XIRP2: variants seen among roughly 807,000 people sequenced by gnomAD.
XIRP2 encodes xin actin-binding repeat-containing protein 2.
XIRP2 carries 236 observed loss-of-function variants against 277.0 expected under a neutral mutation model. The observed-to-expected ratio is 0.85, with a 90% CI of 0.77 to 0.95. The LOEUF is 0.95. Ranked by LOEUF, XIRP2 falls within the 40% of genes least tolerant of loss-of-function variation. XIRP2 has a pLI of 0.00. For synonymous variants in XIRP2, 1,490 were observed against 1,416.5 expected (o/e 1.05, Z -1.17); for missense variants, 4,640 against 4,157.5 (o/e 1.12, Z -3.19).
In XIRP2 at chr2:167,250,652, A is replaced by G. The variant is rs2105448009; in HGVS notation, c.9260A>G (p.His3087Arg). ...ACAGTACAGCACCAAGTAGCAGCTC[A>G]TCATGAAGCAACTGTTCGTAGTCAC... ...EKTVQHQVAA[H>R]HEATVRSHVK... is the part of the protein sequence containing the mutation. The change falls in exon 9 of 11, where the codon CAT becomes CGT. Residue 3087 changes from histidine to arginine, a missense_variant. Transcript: ENST00000409195. 1.9e-6 allele frequency: 3 copies of G among 1,611,330 alleles called. No homozygotes were observed. Among genetic ancestry groups the G allele is most frequent in the East Asian group, 4.5e-5 (2 of 44,804 alleles).
intron 2 of XIRP2, among the ~76,000 whole-genome samples, chr2:167,119,683 C>A (rs893541920): frequency 6.6e-6 from 1 of 152,156 alleles, no homozygotes; most frequent in African/African-American, 2.4e-5. Context: ...GCATGATGCC[C>A]ACAATTGCTC....
intron 3 of XIRP2, among the ~76,000 whole-genome samples, chr2:167,178,764 C>T (rs1692926477): frequency 1.3e-5 from 2 of 151,950 alleles, no homozygotes. Context: ...TTTCCTCACA[C>T]TACTGATTTC....
chr2:167,042,090 A>C (rs1688671850), intron 2 of XIRP2, among the ~76,000 whole-genome samples: 1 of 152,164 alleles, frequency 6.6e-6, no homozygotes, highest in Non-Finnish European at 1.5e-5. Context: ...CAGCCAAACT[A>C]AGTTTCATAA....
chr2:167,066,596 A>G (rs535980559), intron 2 of XIRP2, among the ~76,000 whole-genome samples: 1 of 152,202 alleles, frequency 6.6e-6, no homozygotes, highest in South Asian at 2.1e-4. Context: ...GAGTTACCAT[A>G]TTAACTAGCA....
intron 2 of XIRP2, among the ~76,000 whole-genome samples, chr2:167,036,894 G>A (rs935376389): frequency 2.6e-5 from 4 of 152,080 alleles, no homozygotes; most frequent in African/African-American, 9.7e-5. Context: ...GACCTGATGG[G>A]TTTATCAGGG....
At chr2:167,226,922 A>G (rs1694619402) in intron 5 of XIRP2, among the ~76,000 whole-genome samples, 1 of 152,186 alleles carries the variant, frequency 6.6e-6, no homozygotes, top group Non-Finnish European at 1.5e-5. Flanking sequence ...AACTCTGAGC[A>G]TTTAAGCCCT....
At chr2:167,072,398 G>A (rs1211524973) in intron 2 of XIRP2, among the ~76,000 whole-genome samples, 1 of 152,008 alleles carries the variant, frequency 6.6e-6, no homozygotes, top group Non-Finnish European at 1.5e-5. Context: ...TCCACCTTCT[G>A]CCTGACTGAC....
At chr2:167,151,008 A>G (rs1691999323) in intron 3 of XIRP2, among the ~76,000 whole-genome samples, 1 of 152,100 alleles carries the variant, frequency 6.6e-6, no homozygotes, top group Non-Finnish European at 1.5e-5. Flanking sequence ...TACTTACGGA[A>G]AGGTTCACAT....
chr2:167,011,281 A>T (rs1274813116), intron 2 of XIRP2, among the ~76,000 whole-genome samples: 2 of 151,518 alleles, frequency 1.3e-5, no homozygotes, highest in Non-Finnish European at 2.9e-5. Context: ...TTTAGCATGA[A>T]GGGTTGTTGA....
rs1695173449 is a variant in XIRP2, at chr2:167,244,260, T to C, written c.2868T>C (p.Asn956=). The C allele has an allele frequency of 2.5e-6, 4 of 1,613,568 alleles. No homozygotes were observed. Among genetic ancestry groups the C allele is most frequent in the Non-Finnish European group, 2.5e-6 (3 of 1,179,836 alleles). ...KNYTHIFESN[N]LIKFDASHKI... is the part of the protein sequence containing the mutation. ...ACACACATATCTTTGAATCAAACAATTTAATTAAATTTGATGCATCACATA... is the reference window on the plus strand; with the variant it reads ...ACACACATATCTTTGAATCAAACAACTTAATTAAATTTGATGCATCACATA... The change falls in exon 9 of 11, where the codon AAT becomes AAC. Residue 956 remains asparagine (N), a synonymous_variant. Transcript: ENST00000409195.
intron 2 of XIRP2, among the ~76,000 whole-genome samples, chr2:167,020,193 G>C (rs928066608): frequency 1.3e-5 from 2 of 151,970 alleles, no homozygotes; most frequent in Non-Finnish European, 2.9e-5. Flanking sequence ...GAACATGTAA[G>C]TGATCCTAAA....
intron 2 of XIRP2, among the ~76,000 whole-genome samples, chr2:166,915,624 A>G (rs779494399): frequency 6.6e-6 from 1 of 152,150 alleles, no homozygotes; most frequent in East Asian, 1.9e-4. Flanking sequence ...AGCCTCCTGT[A>G]TGTTCTCACC....
chr2:167,000,624 G>T (rs1687340858), intron 2 of XIRP2, among the ~76,000 whole-genome samples: 1 of 151,674 alleles, frequency 6.6e-6, no homozygotes, highest in African/African-American at 2.4e-5. Flanking sequence ...CCAGATCCAT[G>T]AATTCATTAG....
At chr2:167,177,522 T>C (rs1423177414) in intron 3 of XIRP2, among the ~76,000 whole-genome samples, 1 of 152,216 alleles carries the variant, frequency 6.6e-6, no homozygotes, top group East Asian at 1.9e-4. Context: ...TTCTATAATG[T>C]ATATTAATTT....
intron 2 of XIRP2, among the ~76,000 whole-genome samples, chr2:166,919,216 T>C (rs928376895): frequency 8.5e-5 from 13 of 152,170 alleles, no homozygotes; most frequent in Non-Finnish European, 1.5e-4. Context: ...GTTAACACAT[T>C]TTCCTACGTG....
intron 2 of XIRP2, among the ~76,000 whole-genome samples, chr2:167,100,766 T>C (rs552806877): frequency 2.0e-5 from 3 of 152,338 alleles, no homozygotes; most frequent in Admixed American, 2.0e-4. Flanking sequence ...CACTGTGACC[T>C]TCAACCTCTG....
At chr2:167,019,891 T>A (rs1687934360) in intron 2 of XIRP2, among the ~76,000 whole-genome samples, 2 of 152,054 alleles carry the variant, frequency 1.3e-5, no homozygotes, top group Non-Finnish European at 2.9e-5. Flanking sequence ...TAGCAGTGAT[T>A]TGTACTGCCA....
chr2:167,019,342 C>A lies in XIRP2; in HGVS notation c.408+115452C>A, dbSNP rs550905497. ...ACACTCTGATTACAAAGAATAGCGA[C>A]CCCAATAATAATACCATGAATAAGA... On this transcript the variant is annotated intron_variant, in intron 2 of 10. Transcript: ENST00000409195. 9.2e-5 allele frequency among the ~76,000 whole-genome samples: 14 copies of A among 152,022 alleles called. No individual in the cohort carries two copies. The East Asian group carries it at 1.4e-3, about 15-fold the overall frequency.
intron 2 of XIRP2, among the ~76,000 whole-genome samples, chr2:166,942,711 T>C (rs1685752926): frequency 6.6e-6 from 1 of 152,198 alleles, no homozygotes; most frequent in African/African-American, 2.4e-5. Flanking sequence ...TAAAATATGG[T>C]ATTTTCATCA....
Sources: allele counts gnomAD v4.1 joint callset (sites outside exome capture counted in the v4.1 genomes callset), GRCh38; gene constraint gnomAD v4.1.1; transcripts MANE v1.5; gene names NCBI Gene and HGNC (gene_info 2026-07-23, HGNC 2026-07-21).